The following PACRG variants were observed in gnomAD, a reference collection of about 807,000 sequenced individuals.
The protein encoded by PACRG is parkin coregulated.
PACRG carries 29 observed loss-of-function variants against 29.7 expected under a neutral mutation model. That is an observed-to-expected ratio of 0.98 (90% CI 0.73 to 1.33). The LOEUF is 1.33. PACRG is among the 40% of genes most tolerant of loss of function. The probability of loss-of-function intolerance (pLI) is 0.00; values close to 1 mark genes in which losing one functional copy is unlikely to be tolerated. For missense variants in PACRG, 279 were observed against 316.2 expected, an observed-to-expected ratio of 0.88 and a Z score of 0.89; for synonymous variants, 116 against 118.7, an observed-to-expected ratio of 0.98 and a Z score of 0.15.
chr6:162,955,380 A>G (rs1026558482), intron 2 of PACRG, among the ~76,000 whole-genome samples: 14 of 152,056 alleles, frequency 9.2e-5, no homozygotes, highest in African/African-American at 3.4e-4. Context: ...GCTCACTGCA[A>G]GCTCTGCCTC....
At chr6:163,112,166 C>G in intron 4 of PACRG, 1 of 437,708 alleles carries the variant, frequency 2.3e-6, no homozygotes, top group Non-Finnish European at 3.0e-6. Context: ...TTGACAGAAT[C>G]TGTCTGATGG....
chr6:163,127,731 G>A (rs770794776), intron 4 of PACRG, among the ~76,000 whole-genome samples: 6 of 152,092 alleles, frequency 3.9e-5, no homozygotes, highest in South Asian at 2.1e-4. Flanking sequence ...ATAGTTTATC[G>A]TAAAGTCTTG....
At chr6:163,266,317 G>A (rs924255415) in intron 4 of PACRG, among the ~76,000 whole-genome samples, 1 of 152,206 alleles carries the variant, frequency 6.6e-6, no homozygotes, top group African/African-American at 2.4e-5. Context: ...ATCTCGTAAA[G>A]AGAAAATGGA....
chr6:163,306,200 T>C (rs913292552), intron 4 of PACRG, among the ~76,000 whole-genome samples: 3 of 152,266 alleles, frequency 2.0e-5, no homozygotes, highest in African/African-American at 7.2e-5. Context: ...ATTGTTGTTA[T>C]TATTACTCCA....
chr6:163,076,245 T>G (rs1203002345), intron 3 of PACRG, among the ~76,000 whole-genome samples: 3 of 152,252 alleles, frequency 2.0e-5, no homozygotes, highest in African/African-American at 7.2e-5. Flanking sequence ...TTTTTCATCT[T>G]GCAGCTTTTG....
At chr6:162,976,539 C>T (rs187331645) in intron 2 of PACRG, among the ~76,000 whole-genome samples, 1 of 152,088 alleles carries the variant, frequency 6.6e-6, no homozygotes, top group Non-Finnish European at 1.5e-5. Flanking sequence ...GAACAGCAGG[C>T]TGTACAGAAA....
chr6:163,028,921 C>A (rs755823621), intron 2 of PACRG, among the ~76,000 whole-genome samples: 1 of 152,188 alleles, frequency 6.6e-6, no homozygotes, highest in Non-Finnish European at 1.5e-5. Context: ...AATCCTGGAG[C>A]CTGTGAACAT....
intron 2 of PACRG, among the ~76,000 whole-genome samples, chr6:162,876,932 A>T (rs1453457043): frequency 1.3e-5 from 2 of 152,160 alleles, no homozygotes; most frequent in African/African-American, 4.8e-5. Context: ...AAAGTCAGGA[A>T]ACAACAGAGG....
intron 2 of PACRG, among the ~76,000 whole-genome samples, chr6:162,979,258 C>T (rs1468131622): frequency 6.6e-6 from 1 of 152,134 alleles, no homozygotes; most frequent in Non-Finnish European, 1.5e-5. Context: ...GTGGTTTTGA[C>T]TTGCATTTCC....
chr6:162,787,229 T>G (rs1784528338), intron 1 of PACRG, among the ~76,000 whole-genome samples: 1 of 152,098 alleles, frequency 6.6e-6, no homozygotes, highest in Non-Finnish European at 1.5e-5. Flanking sequence ...TATAGTTTTA[T>G]TACCTATTGG....
At chr6:163,296,329 C>T (rs1037453088) in intron 4 of PACRG, among the ~76,000 whole-genome samples, 1 of 152,066 alleles carries the variant, frequency 6.6e-6, no homozygotes, top group Non-Finnish European at 1.5e-5. Context: ...CTCGCCCTGT[C>T]GCCCAGGCCA....
At chr6:163,225,955 G>A (rs894080495) in intron 4 of PACRG, among the ~76,000 whole-genome samples, 2 of 152,070 alleles carry the variant, frequency 1.3e-5, no homozygotes, top group Non-Finnish European at 2.9e-5. Flanking sequence ...GAGGCAGGAG[G>A]ATCACTTGAG....
intron 4 of PACRG, among the ~76,000 whole-genome samples, chr6:163,108,590 G>A (rs1012228237): frequency 6.6e-6 from 1 of 151,524 alleles, no homozygotes; most frequent in Admixed American, 6.6e-5. Flanking sequence ...TAGACACAGG[G>A]TTTTGCCATG....
chr6:163,282,023 T>A (rs988944395), intron 4 of PACRG, among the ~76,000 whole-genome samples: 1 of 152,210 alleles, frequency 6.6e-6, no homozygotes, highest in Non-Finnish European at 1.5e-5. Context: ...GAAGCATTAA[T>A]TTGAATATTC....
intron 1 of PACRG, among the ~76,000 whole-genome samples, chr6:162,798,802 A>T (rs551395817): frequency 1.3e-5 from 2 of 152,294 alleles, no homozygotes; most frequent in East Asian, 3.9e-4. Flanking sequence ...CAAAGGAAAG[A>T]TGTATTAGGA....
intron 4 of PACRG, among the ~76,000 whole-genome samples, chr6:163,267,729 C>T (rs1783583799): frequency 6.6e-6 from 1 of 152,120 alleles, no homozygotes; most frequent in Admixed American, 6.5e-5. Context: ...GTATAAATCC[C>T]CTGTCACATT....
chr6:162,844,894 C>A (rs1790219819), intron 2 of PACRG, among the ~76,000 whole-genome samples: 1 of 152,140 alleles, frequency 6.6e-6, no homozygotes, highest in African/African-American at 2.4e-5. Context: ...CAGAAGTCCA[C>A]TATGCTTTTA....
In PACRG at chr6:163,085,151, A is replaced by G. The variant is rs894692059; in HGVS notation, c.464-4108A>G. Among the ~76,000 whole-genome samples, 159 of 152,158 alleles carry G rather than the reference A, an allele frequency of 1.0e-3. 1 individual carries two copies. The highest frequency in any genetic ancestry group is 3.7e-3 in the African/African-American group (154 of 41,494). On this transcript the variant is annotated intron_variant, in intron 3 of 4. Coordinates refer to ENST00000366888, the MANE Select transcript of PACRG (RefSeq NM_001080379.2). ...GTGTCAACAGAACAGCTTTTTTTAA[A>G]ACACAAAAACAAAACCTATGAAATG... is the stretch of plus-strand genomic sequence containing the variant.
intron 2 of PACRG, among the ~76,000 whole-genome samples, chr6:162,842,529 A>T (rs1251822193): frequency 2.6e-5 from 4 of 151,444 alleles, no homozygotes; most frequent in Admixed American, 2.6e-4. Context: ...CAGCACACTG[A>T]TGGGTCTTGA....
Sources: gnomAD v4.1 joint callset for allele counts (sites outside exome capture counted in the v4.1 genomes callset) on GRCh38, gnomAD v4.1.1 for gene constraint, MANE v1.5 for transcripts, NCBI Gene and HGNC (gene_info 2026-07-23, HGNC 2026-07-21) for gene names.